USO1: variants seen among roughly 807,000 people sequenced by gnomAD.
USO1 encodes the protein general vesicular transport factor p115.
Under a neutral mutation model 124.5 loss-of-function variants are expected in USO1, and 57 were observed. The ratio of observed to expected loss-of-function variants is 0.46; its 90% CI spans 0.37 to 0.57. USO1 has a LOEUF of 0.57. Among genes scored for constraint, USO1 ranks in the 20% least tolerant of loss-of-function variants. The probability of loss-of-function intolerance (pLI) is 0.00; values close to 1 mark genes in which losing one functional copy is unlikely to be tolerated. For synonymous variants in USO1, 369 were observed against 362.8 expected (o/e 1.02, Z -0.19); for missense variants, 900 against 1,040.6 (o/e 0.86, Z 1.86).
At chr4:75,771,244 T>C (rs1277198987) in intron 7 of USO1, 107 bp downstream of exon 7, 5 of 1,271,496 alleles carry the variant, frequency 3.9e-6, no homozygotes, top group Non-Finnish European at 5.3e-6. Flanking sequence ...AAAGCTGGAG[T>C]AATGACCTTT....
At position 75,732,260 on chromosome 4, in the gene USO1, T is replaced by C. The variant is rs138269174; in HGVS notation, c.66+7375T>C. Among the ~76,000 whole-genome samples, 391 of 152,258 alleles carry C rather than the reference T, an allele frequency of 2.6e-3. 2 individuals carry two copies. The highest frequency in any genetic ancestry group is 6.8e-3 in the Middle Eastern group (2 of 294). On this transcript the variant is annotated intron_variant, in intron 1 of 23. Coordinates refer to ENST00000514213, the MANE Select transcript of USO1 (RefSeq NM_003715.4). Reference sequence around the variant, plus strand: ...CACTTGTAAGTGAGGAAATGCAGTATTTGGTTTTCTGTTCCTATATTAATT... The same window carrying C: ...CACTTGTAAGTGAGGAAATGCAGTACTTGGTTTTCTGTTCCTATATTAATT...
intron 9 of USO1, among the ~76,000 whole-genome samples, chr4:75,786,699 A>G (rs895644275): frequency 1.3e-5 from 2 of 152,062 alleles, no homozygotes; most frequent in African/African-American, 2.4e-5. Context: ...CTGCTCTCTT[A>G]CTAGGTAGTT....
Position 75,757,553 on chromosome 4 carries a change from A to G in USO1, c.275A>G (p.Asn92Ser). Residue 92 changes from asparagine to serine, a missense_variant, in exon 4 of 24, where the codon AAT becomes AGT. Transcript: ENST00000514213. The part of the protein sequence containing the change: ...ALDTLYNIIS[N>S]EEEEEVEENS... ...GACACACTATATAATATAATATCTA[A>G]TGAAGAAGAAGAAGAAGTAGGTAAG... The G allele has an allele frequency of 6.7e-7, 1 of 1,491,516 alleles. No individual in the cohort carries two copies. Among genetic ancestry groups the G allele is most frequent in the Non-Finnish European group, 8.9e-7 (1 of 1,119,476 alleles). The allele number at this position is 1,491,516 out of a possible 1,614,324, so 92.4% of individuals were successfully genotyped here. A position where few individuals can be genotyped will look rare whatever the true frequency, so the allele number is the denominator to read the frequency against.
intron 8 of USO1, among the ~76,000 whole-genome samples, chr4:75,780,143 C>T (rs1722177246): frequency 6.6e-6 from 1 of 152,118 alleles, no homozygotes; most frequent in Admixed American, 6.5e-5. Flanking sequence ...TCTTACACTT[C>T]TGTGTAAGAG....
intron 4 of USO1, among the ~76,000 whole-genome samples, chr4:75,764,698 C>T (rs534012071): frequency 2.0e-5 from 3 of 152,194 alleles, no homozygotes; most frequent in South Asian, 2.1e-4. Context: ...TAGCTTTTCT[C>T]ATGAGGTCAC....
chr4:75,800,822 A>T, intron 16 of USO1, 23 bp downstream of exon 16: 2 of 1,601,244 alleles, frequency 1.2e-6, no homozygotes, highest in Non-Finnish European at 1.7e-6. Flanking sequence ...ATTTATATTG[A>T]TATTTGATGG....
At chr4:75,735,769 A>C (rs766450816) in intron 1 of USO1, among the ~76,000 whole-genome samples, 1 of 151,964 alleles carries the variant, frequency 6.6e-6, no homozygotes, top group Non-Finnish European at 1.5e-5. Flanking sequence ...GATCCTCTCA[A>C]AGTGCTGGGA....
chr4:75,812,506 A>G, intron 23 of USO1, 131 bp downstream of exon 23: 1 of 1,154,710 alleles, frequency 8.7e-7, no homozygotes, highest in Non-Finnish European at 1.2e-6. Flanking sequence ...TGAATATGGT[A>G]CCATCTATAC....
chr4:75,790,500 A>C lies in USO1; in HGVS notation c.1086-143A>C, dbSNP rs138660794. 2.1e-4 allele frequency: 279 copies of C among 1,322,316 alleles called. No homozygotes were observed. In the East Asian group the frequency reaches 6.3e-3, roughly 30 times the overall value. 81.9% of individuals were successfully genotyped at this position (1,322,316 alleles called of 1,614,324 possible). A position where few individuals can be genotyped will look rare whatever the true frequency, so the allele number is the denominator to read the frequency against. Reference sequence around the variant, plus strand: ...CAGTCACTTCACTTCTGTCAGTTACAGTTTTCTGTGAAATAGAGATGGAAA... The same window carrying C: ...CAGTCACTTCACTTCTGTCAGTTACCGTTTTCTGTGAAATAGAGATGGAAA... On this transcript the variant is annotated intron_variant, in intron 11 of 23. Coordinates refer to ENST00000514213, the MANE Select transcript of USO1 (RefSeq NM_003715.4).
intron 1 of USO1, among the ~76,000 whole-genome samples, chr4:75,743,606 C>T (rs1223063865): frequency 2.0e-5 from 3 of 152,168 alleles, no homozygotes; most frequent in Non-Finnish European, 2.9e-5. Context: ...ATTTTCCCAG[C>T]GTAGACCAGT....
chr4:75,780,839 G>T (rs569411323), intron 8 of USO1, among the ~76,000 whole-genome samples: 1 of 151,024 alleles, frequency 6.6e-6, no homozygotes, highest in African/African-American at 2.4e-5. Flanking sequence ...TAGAGACAGG[G>T]TTTCACCATG....
At chr4:75,787,547 T>C (rs957874082) in intron 10 of USO1, among the ~76,000 whole-genome samples, 1 of 152,210 alleles carries the variant, frequency 6.6e-6, no homozygotes, top group Non-Finnish European at 1.5e-5. Context: ...GGCAGATTCA[T>C]TGAATAGTAA....
chr4:75,759,246 C>CTTTTTTCTTTTTTTTTT (rs1721527391), intron 4 of USO1, among the ~76,000 whole-genome samples: 1 of 69,126 alleles, frequency 1.4e-5, no homozygotes, highest in African/African-American at 6.4e-5. Flanking sequence ...TATTAAGGAC[C>CTTTTTTCTTTTTTTTTT]TTTTTTTTTT....
In USO1 at chr4:75,755,471, C is replaced by T. The variant is rs369328783; in HGVS notation, c.219-2026C>T. On this transcript the variant is annotated intron_variant, in intron 3 of 23. Transcript: ENST00000514213. Reference sequence around the variant, plus strand: ...TCAGTGAAGTGTGAAGTTCATGTTTCTCAAACAAAGCTAAAGATACAAGCT... The same window carrying T: ...TCAGTGAAGTGTGAAGTTCATGTTTTTCAAACAAAGCTAAAGATACAAGCT... 6 of 519,810 alleles carry T rather than the reference C, an allele frequency of 1.2e-5. No homozygotes were observed. In the African/African-American group the frequency reaches 1.2e-4, roughly 10 times the overall value. The allele number at this position is 519,810 out of a possible 1,614,324, so 32.2% of individuals were successfully genotyped here.
chr4:75,761,998 A>T (rs895916619), intron 4 of USO1, among the ~76,000 whole-genome samples: 1 of 152,002 alleles, frequency 6.6e-6, no homozygotes, highest in African/African-American at 2.4e-5. Flanking sequence ...TATTATTGTG[A>T]TACTGTAGAG....
At chr4:75,732,425 T>G (rs958227263) in intron 1 of USO1, among the ~76,000 whole-genome samples, 9 of 152,214 alleles carry the variant, frequency 5.9e-5, no homozygotes, top group Admixed American at 2.0e-4. Context: ...GACACCTAGG[T>G]TGACTCCACA....
intron 1 of USO1, among the ~76,000 whole-genome samples, chr4:75,731,911 AT>A (rs1360136055): frequency 2.6e-5 from 4 of 152,088 alleles, no homozygotes; most frequent in African/African-American, 7.2e-5. Context: ...GTGTCCTTTA[AT>A]TTTTTTGCTT....
chr4:75,740,310 T>TG (rs1272825936), intron 1 of USO1, among the ~76,000 whole-genome samples: 1 of 152,216 alleles, frequency 6.6e-6, no homozygotes, highest in African/African-American at 2.4e-5. Context: ...TTTTTAGAGA[T>TG]GGAGTCTCAC....
intron 1 of USO1, 75 bp from the exon 2 acceptor site, chr4:75,752,298 A>G: frequency 2.5e-6 from 1 of 396,818 alleles, no homozygotes. Flanking sequence ...TTTTAATTAC[A>G]TGGCATAAAT....
Sources: allele counts gnomAD v4.1 joint callset (sites outside exome capture counted in the v4.1 genomes callset), GRCh38; gene constraint gnomAD v4.1.1; transcripts MANE v1.5; gene names NCBI Gene and HGNC (gene_info 2026-07-23, HGNC 2026-07-21).